The following SAMD12 variants were observed in gnomAD, a reference collection of about 807,000 sequenced individuals.
The protein encoded by SAMD12 is sterile alpha motif domain containing 12, also known as sterile alpha motif domain-containing protein 12.
Under a neutral mutation model 15.0 loss-of-function variants are expected in SAMD12, and 9 were observed. The ratio of observed to expected loss-of-function variants is 0.60; its 90% confidence interval spans 0.36 to 1.05. The LOEUF (loss-of-function observed/expected upper bound fraction) is 1.05. Ranked by LOEUF, SAMD12 falls within the 50% of genes least tolerant of loss-of-function variation. SAMD12 has a pLI of 0.01. For synonymous variants in SAMD12, 86 were observed against 90.1 expected (o/e 0.96, Z 0.25); for missense variants, 230 against 234.2 (o/e 0.98, Z 0.12).
intron 3 of SAMD12, among the ~76,000 whole-genome samples, chr8:118,415,804 G>A (rs1821658963): frequency 6.6e-6 from 1 of 152,026 alleles, no homozygotes; most frequent in African/African-American, 2.4e-5. Context: ...GCAAACCTCC[G>A]GGGCACATTC....
intron 1 of SAMD12, among the ~76,000 whole-genome samples, chr8:118,608,315 G>A (rs1828028541): frequency 6.6e-6 from 1 of 151,744 alleles, no homozygotes; most frequent in South Asian, 2.1e-4. Flanking sequence ...ACCCCGCTCA[G>A]AAATGGGATG....
intron 4 of SAMD12, among the ~76,000 whole-genome samples, chr8:118,294,949 C>T (rs1814628554): frequency 6.6e-6 from 1 of 152,096 alleles, no homozygotes; most frequent in African/African-American, 2.4e-5. Context: ...GTTTAGAAAG[C>T]AGGAACTGTA....
At chr8:118,618,441 T>A (rs924760613) in intron 1 of SAMD12, among the ~76,000 whole-genome samples, 1 of 152,200 alleles carries the variant, frequency 6.6e-6, no homozygotes, top group Non-Finnish European at 1.5e-5. Flanking sequence ...ATAAAACACA[T>A]GCCAAATAGT....
intron 2 of SAMD12, among the ~76,000 whole-genome samples, chr8:118,538,652 C>T (rs1285982843): frequency 6.6e-6 from 1 of 152,156 alleles, no homozygotes. Flanking sequence ...GTGGTGTAGG[C>T]AATTCAAGAC....
chr8:118,619,158 G>A (rs1327513367), intron 1 of SAMD12, among the ~76,000 whole-genome samples: 1 of 152,078 alleles, frequency 6.6e-6, no homozygotes, highest in Non-Finnish European at 1.5e-5. Context: ...AATGTGTCCA[G>A]GGACAATGTC....
At chr8:118,494,793 G>T (rs1219075151) in intron 2 of SAMD12, among the ~76,000 whole-genome samples, 8 of 152,126 alleles carry the variant, frequency 5.3e-5, no homozygotes, top group African/African-American at 1.7e-4. Context: ...CATTTGTGAG[G>T]ACAAAAACCA....
exon 5 of SAMD12, chr8:118,190,422 G>A (rs1819332548): frequency 6.6e-6 from 1 of 152,172 alleles, no homozygotes; most frequent in Non-Finnish European, 1.5e-5. Flanking sequence ...AGATCATGGA[G>A]CTCTAAATCT....
intron 4 of SAMD12, among the ~76,000 whole-genome samples, chr8:118,273,797 C>A (rs28489734): frequency 1.3e-5 from 2 of 152,054 alleles, no homozygotes; most frequent in Non-Finnish European, 2.9e-5. Context: ...GGAGAACCTG[C>A]CTCAAGGAAT....
At chr8:118,216,235 A>C (rs1222880580) in intron 4 of SAMD12, among the ~76,000 whole-genome samples, 4 of 151,406 alleles carry the variant, frequency 2.6e-5, no homozygotes, top group Non-Finnish European at 4.4e-5. Flanking sequence ...GCATTTTTTC[A>C]TGTGTTTTTT....
the SAMD12 span, among the ~76,000 whole-genome samples, chr8:118,131,927 G>A: frequency 6.6e-6 from 1 of 152,226 alleles, no homozygotes; most frequent in East Asian, 1.9e-4. Context: ...ACATAGTACT[G>A]TAGAAAGTTC....
At chr8:118,342,141 A>C (rs1817399005) in intron 4 of SAMD12, among the ~76,000 whole-genome samples, 1 of 152,064 alleles carries the variant, frequency 6.6e-6, no homozygotes, top group African/African-American at 2.4e-5. Context: ...AATACAAAAA[A>C]ATTAGCCAGG....
At chr8:118,290,044 A>G (rs920005004) in intron 4 of SAMD12, among the ~76,000 whole-genome samples, 7 of 152,212 alleles carry the variant, frequency 4.6e-5, no homozygotes, top group Admixed American at 3.9e-4. Flanking sequence ...TTTCACACTA[A>G]AAGACTCAAA....
Position 118,319,048 on chromosome 8 carries a change from G to C in SAMD12, c.433+60512C>G, listed in dbSNP as rs573301552. 3.3e-5 allele frequency among the ~76,000 whole-genome samples: 5 copies of C among 152,204 alleles called. No homozygotes were observed. The East Asian group carries it at 9.7e-4, about 29-fold the overall frequency. Reference sequence around the variant, plus strand: ...GAGAAGTGAAGGGCTATCCAGGGAGGCTCCTTAAAAGTAAAAACACACCTC... The same window carrying C: ...GAGAAGTGAAGGGCTATCCAGGGAGCCTCCTTAAAAGTAAAAACACACCTC... On this transcript the variant is annotated intron_variant, in intron 4 of 4. Transcript: ENST00000409003.
At chr8:118,141,878 T>C in the SAMD12 span, among the ~76,000 whole-genome samples, 1 of 151,890 alleles carries the variant, frequency 6.6e-6, no homozygotes, top group African/African-American at 2.4e-5. Flanking sequence ...AGGGCTAGGG[T>C]CCCACCTTAG....
At chr8:118,372,995 T>C (rs938832319), downstream of SAMD12, among the ~76,000 whole-genome samples, 2 of 152,074 alleles carry the variant, frequency 1.3e-5, no homozygotes, top group Non-Finnish European at 2.9e-5. Flanking sequence ...CAGGGGCTGG[T>C]AGTAATAAAA....
intron 2 of SAMD12, among the ~76,000 whole-genome samples, chr8:118,548,027 A>G (rs1471031777): frequency 6.6e-6 from 1 of 152,172 alleles, no homozygotes; most frequent in Non-Finnish European, 1.5e-5. Flanking sequence ...CCAACTCTTC[A>G]TAAACAGAGA....
At chr8:118,449,406 T>C (rs1823009575) in intron 2 of SAMD12, among the ~76,000 whole-genome samples, 1 of 151,516 alleles carries the variant, frequency 6.6e-6, no homozygotes, top group African/African-American at 2.4e-5. Context: ...GCTGTAGGCA[T>C]TGTGAGATGG....
chr8:118,489,065 G>A (rs1402231083), intron 2 of SAMD12, among the ~76,000 whole-genome samples: 3 of 152,088 alleles, frequency 2.0e-5, no homozygotes, highest in African/African-American at 4.8e-5. Flanking sequence ...GGAGGTTGTG[G>A]TATCTCTTTC....
chr8:118,291,734 C>T (rs1302396192), intron 4 of SAMD12, among the ~76,000 whole-genome samples: 1 of 151,462 alleles, frequency 6.6e-6, no homozygotes. Flanking sequence ...CATGAAAGAC[C>T]CATGTAAACT....
Sources: gnomAD v4.1 joint callset for allele counts (sites outside exome capture counted in the v4.1 genomes callset) on GRCh38, gnomAD v4.1.1 for gene constraint, MANE v1.5 for transcripts, NCBI Gene and HGNC (gene_info 2026-07-23, HGNC 2026-07-21) for gene names.